RABGAP1L: variants seen among roughly 807,000 people sequenced by gnomAD.
The protein encoded by RABGAP1L is rab GTPase-activating protein 1-like.
A neutral mutation model predicts 137.7 loss-of-function variants in RABGAP1L; 63 were observed. That is an observed-to-expected ratio of 0.46 (90% CI 0.37 to 0.56). The LOEUF (loss-of-function observed/expected upper bound fraction) is 0.56. Ranked by LOEUF, RABGAP1L falls within the 20% of genes least tolerant of loss-of-function variation. The pLI is 0.00. For synonymous variants in RABGAP1L, 431 were observed against 433.7 expected, an observed-to-expected ratio of 0.99 and a Z score of 0.08; for missense variants, 1,095 against 1,244.0, an observed-to-expected ratio of 0.88 and a Z score of 1.80.
chr1:174,803,258 T>G (rs976226857), intron 18 of RABGAP1L, among the ~76,000 whole-genome samples: 1 of 152,178 alleles, frequency 6.6e-6, no homozygotes, highest in Non-Finnish European at 1.5e-5. Flanking sequence ...AGGATGCACA[T>G]TTGGAATTTT....
At chr1:174,610,221 A>G (rs1044447124) in intron 13 of RABGAP1L, among the ~76,000 whole-genome samples, 31 of 99,146 alleles carry the variant, frequency 3.1e-4, no homozygotes, top group African/African-American at 1.2e-3. Flanking sequence ...CCACCCCACA[A>G]CAGTCCCCAG....
chr1:174,508,073 A>G (rs1391213442), intron 13 of RABGAP1L, among the ~76,000 whole-genome samples: 2 of 152,138 alleles, frequency 1.3e-5, no homozygotes, highest in Non-Finnish European at 2.9e-5. Context: ...ATGAGTGTTC[A>G]AACAAATGGA....
chr1:174,267,114 A>G (rs1178336764), intron 7 of RABGAP1L, among the ~76,000 whole-genome samples: 6 of 152,206 alleles, frequency 3.9e-5, no homozygotes, highest in African/African-American at 1.4e-4. Flanking sequence ...CAAAAATTCC[A>G]ATCAGTTTTG....
intron 15 of RABGAP1L, among the ~76,000 whole-genome samples, chr1:174,698,430 C>T (rs1010433287): frequency 6.6e-6 from 1 of 152,114 alleles, no homozygotes; most frequent in African/African-American, 2.4e-5. Context: ...ATCAAGAAAA[C>T]GCAGGGAGGA....
intron 20 of RABGAP1L, chr1:174,958,145 A>T: frequency 6.8e-7 from 1 of 1,477,066 alleles, no homozygotes; most frequent in Non-Finnish European, 9.0e-7. Context: ...ATACCAACTC[A>T]CTTGGAAGGA....
At chr1:174,306,534 C>T (rs543104298) in intron 11 of RABGAP1L, among the ~76,000 whole-genome samples, 38 of 152,234 alleles carry the variant, frequency 2.5e-4, no homozygotes, top group African/African-American at 8.9e-4. Flanking sequence ...AGCATTTTTT[C>T]ATGTGTCTGT....
At chr1:174,842,503 C>G (rs951064114) in intron 19 of RABGAP1L, among the ~76,000 whole-genome samples, 1 of 152,096 alleles carries the variant, frequency 6.6e-6, no homozygotes, top group African/African-American at 2.4e-5. Context: ...TTTGCTTGGC[C>G]CTTTGTAGTC....
chr1:174,366,780 A>G (rs1684662962), intron 11 of RABGAP1L, among the ~76,000 whole-genome samples: 1 of 2,158 alleles, frequency 4.6e-4, no homozygotes, highest in Non-Finnish European at 1.0e-3. Flanking sequence ...GTCTCCAGGA[A>G]AAAAAAAAAA....
chr1:174,547,730 G>A (rs1666135002), intron 13 of RABGAP1L: 1 of 946,676 alleles, frequency 1.1e-6, no homozygotes, highest in Non-Finnish European at 1.5e-6. Flanking sequence ...TATCTGCAAA[G>A]TTTGGATATG....
intron 14 of RABGAP1L, among the ~76,000 whole-genome samples, chr1:174,670,370 A>G (rs1677085952): frequency 6.6e-6 from 1 of 152,158 alleles, no homozygotes; most frequent in Admixed American, 6.5e-5. Context: ...CATGCTCAGA[A>G]GCATTTATAC....
intron 13 of RABGAP1L, among the ~76,000 whole-genome samples, chr1:174,402,955 T>C (rs1648785188): frequency 6.6e-6 from 1 of 152,144 alleles, no homozygotes; most frequent in African/African-American, 2.4e-5. Context: ...ATGACATATA[T>C]GGTATAGTTT....
At chr1:174,638,275 G>T (rs187534602) in intron 14 of RABGAP1L, among the ~76,000 whole-genome samples, 20 of 152,296 alleles carry the variant, frequency 1.3e-4, no homozygotes, top group Admixed American at 5.2e-4. Flanking sequence ...TTTAGCCTTT[G>T]TAATGAGTAG....
chr1:174,957,931 T>C, intron 20 of RABGAP1L: 1 of 1,580,444 alleles, frequency 6.3e-7, no homozygotes, highest in Non-Finnish European at 8.6e-7. Context: ...GCATTTATAC[T>C]GGGAATCTTC....
At chr1:174,572,384 T>TTTTG (rs58333654) in intron 13 of RABGAP1L, among the ~76,000 whole-genome samples, 12,148 of 152,022 alleles carry the variant, frequency 0.08, 663 homozygotes, top group East Asian at 0.32. Flanking sequence ...TAAATGTTGT[T>TTTTG]TTTGTTTGTT....
intron 13 of RABGAP1L, among the ~76,000 whole-genome samples, chr1:174,509,617 C>T (rs1165659241): frequency 6.6e-6 from 1 of 152,100 alleles, no homozygotes; most frequent in African/African-American, 2.4e-5. Context: ...AACCTTTATT[C>T]CTACCACAAC....
chr1:174,636,326 G>T (rs1037915046), intron 13 of RABGAP1L, among the ~76,000 whole-genome samples: 1 of 151,966 alleles, frequency 6.6e-6, no homozygotes, highest in Non-Finnish European at 1.5e-5. Context: ...AGACCAGCCT[G>T]TTCCAACACA....
intron 18 of RABGAP1L, among the ~76,000 whole-genome samples, chr1:174,764,248 A>G (rs1444575278): frequency 6.6e-6 from 1 of 152,244 alleles, no homozygotes; most frequent in East Asian, 1.9e-4. Context: ...TTTGATTGTT[A>G]TGAATAATAC....
intron 19 of RABGAP1L, among the ~76,000 whole-genome samples, chr1:174,952,705 T>C (rs1415400831): frequency 2.0e-5 from 3 of 152,090 alleles, no homozygotes; most frequent in Non-Finnish European, 4.4e-5. Flanking sequence ...TCCTCCCACC[T>C]CAGCCTCCCA....
rs576167544 is a variant in RABGAP1L at position 174,959,358 on chromosome 1, C to T, written c.2433+1809C>T. Among the ~76,000 whole-genome samples, 113 of 152,218 alleles carry T rather than the reference C, an allele frequency of 7.4e-4. No homozygotes were observed. The South Asian group carries it at 8.3e-3, about 11-fold the overall frequency. On this transcript the variant is annotated intron_variant, in intron 20 of 25. Coordinates refer to ENST00000681986, the MANE Select transcript of RABGAP1L (RefSeq NM_001366446.1). Reference sequence around the variant, plus strand: ...TTACTACAATTATTATGAATAAATTCTGTGAAGAGTGCTTTAAAATAAGAG... The same window carrying T: ...TTACTACAATTATTATGAATAAATTTTGTGAAGAGTGCTTTAAAATAAGAG...
Sources: allele counts gnomAD v4.1 joint callset (sites outside exome capture counted in the v4.1 genomes callset), GRCh38; gene constraint gnomAD v4.1.1; transcripts MANE v1.5; gene names NCBI Gene and HGNC (gene_info 2026-07-23, HGNC 2026-07-21).